The following TANC2 variants were observed in gnomAD, a reference collection of about 807,000 sequenced individuals.
The protein encoded by TANC2 is protein TANC2.
Under a neutral mutation model 210.5 loss-of-function variants are expected in TANC2, and 26 were observed. The observed-to-expected ratio is 0.12, with a 90% CI of 0.09 to 0.17. TANC2 has a LOEUF of 0.17. Ranked by LOEUF, TANC2 falls within the 10% of genes least tolerant of loss-of-function variation. The pLI, the probability that TANC2 is intolerant of heterozygous loss-of-function variation, is 1.00. For missense variants in TANC2, 2,129 were observed against 2,608.9 expected, an observed-to-expected ratio of 0.82 and a Z score of 4.01; for synonymous variants, 931 against 967.1, an observed-to-expected ratio of 0.96 and a Z score of 0.69.
chr17:63,126,138 T>C (rs1274162343), intron 4 of TANC2, among the ~76,000 whole-genome samples: 1 of 152,218 alleles, frequency 6.6e-6, no homozygotes, highest in Non-Finnish European at 1.5e-5. Context: ...TTATTTAGTA[T>C]TTGTGTGGTT....
chr17:63,415,804 A>G (rs2048841562), intron 26 of TANC2, 130 bp downstream of exon 26: 4 of 1,086,958 alleles, frequency 3.7e-6, no homozygotes, highest in Non-Finnish European at 5.2e-6. Flanking sequence ...TTCACAGAGC[A>G]CTGACATTTG....
chr17:63,073,402 G>T (rs1423269784), intron 2 of TANC2, among the ~76,000 whole-genome samples: 1 of 151,878 alleles, frequency 6.6e-6, no homozygotes, highest in African/African-American at 2.4e-5. Context: ...AAATGGATTT[G>T]TTTCTATATA....
At chr17:63,260,761 C>CA (rs745741190) in intron 8 of TANC2, among the ~76,000 whole-genome samples, 2,260 of 126,442 alleles carry the variant, frequency 0.018, 41 homozygotes, top group African/African-American at 0.054. Context: ...GACCCTGTCT[C>CA]AAAAAAAAAA....
chr17:62,994,177 ATT>A (rs776984823), intron 1 of TANC2, among the ~76,000 whole-genome samples: 5 of 144,530 alleles, frequency 3.5e-5, no homozygotes, highest in African/African-American at 5.0e-5. Context: ...GGTAAGTAGA[ATT>A]TTTTTTTTTT....
At chr17:63,076,184 C>A (rs2036565871) in intron 3 of TANC2, among the ~76,000 whole-genome samples, 2 of 152,112 alleles carry the variant, frequency 1.3e-5, no homozygotes, top group Non-Finnish European at 2.9e-5. Flanking sequence ...GTCAGCTGGG[C>A]AAATGCTGAA....
chr17:63,245,945 G>A (rs1353598971), intron 8 of TANC2, among the ~76,000 whole-genome samples: 1 of 151,766 alleles, frequency 6.6e-6, no homozygotes, highest in Non-Finnish European at 1.5e-5. Context: ...GGGAGGCGGA[G>A]GTTGCAGTGA....
chr17:63,405,584 G>A (rs1166898706), intron 20 of TANC2, among the ~76,000 whole-genome samples: 3 of 152,220 alleles, frequency 2.0e-5, no homozygotes, highest in Non-Finnish European at 4.4e-5. Context: ...ACTTGCAGAT[G>A]TCTGAGACTT....
chr17:63,159,539 G>A (rs1467633194), intron 5 of TANC2, among the ~76,000 whole-genome samples: 2 of 151,972 alleles, frequency 1.3e-5, no homozygotes, highest in Non-Finnish European at 2.9e-5. Flanking sequence ...ATATCCACAG[G>A]TTCTACAGCC....
At chr17:63,062,257 C>T (rs1207610658) in intron 2 of TANC2, among the ~76,000 whole-genome samples, 2 of 152,186 alleles carry the variant, frequency 1.3e-5, no homozygotes, top group Non-Finnish European at 2.9e-5. Context: ...CTTTTTCTAA[C>T]TCCACATAGC....
At chr17:63,398,288 A>G (rs1016965516) in intron 18 of TANC2, among the ~76,000 whole-genome samples, 4 of 149,464 alleles carry the variant, frequency 2.7e-5, no homozygotes, top group Admixed American at 6.7e-5. Flanking sequence ...TCTGGGGAAG[A>G]AAAAAAAAAC....
intron 9 of TANC2, among the ~76,000 whole-genome samples, chr17:63,303,590 G>A (rs141506518): frequency 3.0e-3 from 454 of 152,170 alleles, no homozygotes; most frequent in Admixed American, 5.6e-3. Context: ...TGATCGTCTC[G>A]TGGAGTATCT....
At chr17:63,063,798 T>G (rs769066628) in intron 2 of TANC2, among the ~76,000 whole-genome samples, 1 of 152,090 alleles carries the variant, frequency 6.6e-6, no homozygotes, top group Non-Finnish European at 1.5e-5. Context: ...TGATGATACT[T>G]ACGTTGGAAT....
At chr17:63,007,949 A>G (rs1598238252) in intron 1 of TANC2, among the ~76,000 whole-genome samples, 1 of 143,278 alleles carries the variant, frequency 7.0e-6, no homozygotes, top group East Asian at 2.0e-4. Context: ...TTTTGCAAAG[A>G]TATTTTTAAA....
intron 1 of TANC2, chr17:62,968,591 A>G (rs1267874672): frequency 1.3e-5 from 2 of 152,172 alleles, no homozygotes; most frequent in Non-Finnish European, 2.9e-5. Context: ...TTCTGACTGT[A>G]AGCCATATGT....
At chr17:63,218,942 A>C (rs746998219) in intron 7 of TANC2, among the ~76,000 whole-genome samples, 1 of 152,138 alleles carries the variant, frequency 6.6e-6, no homozygotes, top group African/African-American at 2.4e-5. Flanking sequence ...AAGGTGTAGG[A>C]TCAATATGCA....
intron 6 of TANC2, among the ~76,000 whole-genome samples, chr17:63,200,161 C>T (rs1598591446): frequency 6.6e-6 from 1 of 151,476 alleles, no homozygotes; most frequent in African/African-American, 2.4e-5. Context: ...TTCGAGACCA[C>T]CCTGGCCAAC....
rs188433854 is a variant in TANC2, at chr17:63,363,914, A to G, written c.2582+8524A>G. The stretch of plus-strand genomic sequence containing the variant: ...CTTCATCTCTTTTCAGAGTCTAGAC[A>G]TTCTTCACTTCTAATTCTTCTCTAT... On this transcript the variant is annotated intron_variant, in intron 14 of 27. Transcript: ENST00000689528. Among the ~76,000 whole-genome samples the G allele has an allele frequency of 3.3e-5, 5 of 152,350 alleles. No individual in the cohort carries two copies. In the East Asian group the frequency reaches 9.6e-4, roughly 29 times the overall value.
intron 7 of TANC2, among the ~76,000 whole-genome samples, chr17:63,227,824 G>A (rs2042367492): frequency 6.6e-6 from 1 of 151,918 alleles, no homozygotes; most frequent in Admixed American, 6.6e-5. Context: ...TCTGCATATG[G>A]CTAGCCAATT....
chr17:63,183,022 C>A (rs1470551345), intron 5 of TANC2, among the ~76,000 whole-genome samples: 2 of 152,068 alleles, frequency 1.3e-5, no homozygotes, highest in Non-Finnish European at 2.9e-5. Context: ...CATTGGAGTC[C>A]CTATTTGTCT....
Sources: allele counts gnomAD v4.1 joint callset (sites outside exome capture counted in the v4.1 genomes callset), GRCh38; gene constraint gnomAD v4.1.1; transcripts MANE v1.5; gene names NCBI Gene and HGNC (gene_info 2026-07-23, HGNC 2026-07-21).